The following SFTPD variants were observed in gnomAD, a reference collection of about 807,000 sequenced individuals.
SFTPD encodes the protein pulmonary surfactant-associated protein D.
In SFTPD, 18 loss-of-function variants were observed where a neutral mutation model predicts 34.6. That is an observed-to-expected ratio of 0.52 (90% CI 0.36 to 0.77). The LOEUF (loss-of-function observed/expected upper bound fraction) is 0.77. Among genes scored for constraint, SFTPD ranks in the 30% least tolerant of loss-of-function variants. The pLI is 0.00. For synonymous variants in SFTPD, 155 were observed against 180.9 expected, an observed-to-expected ratio of 0.86 and a Z score of 1.15; for missense variants, 433 against 468.9, an observed-to-expected ratio of 0.92 and a Z score of 0.71.
chr10:79,958,736 A>G (rs1026869948), intron 1 of SFTPD, among the ~76,000 whole-genome samples: 14 of 152,228 alleles, frequency 9.2e-5, no homozygotes, highest in Admixed American at 2.6e-4. Flanking sequence ...ACAGATCAAC[A>G]AGACAGAAAG....
At chr10:79,944,831 C>T (rs1842650068) in intron 2 of SFTPD, among the ~76,000 whole-genome samples, 1 of 152,118 alleles carries the variant, frequency 6.6e-6, no homozygotes, top group Non-Finnish European at 1.5e-5. Context: ...AAGCTTCACC[C>T]TCCACCCCTG....
At chr10:79,977,927 C>A (rs1842871759) in intron 1 of SFTPD, among the ~76,000 whole-genome samples, 1 of 152,196 alleles carries the variant, frequency 6.6e-6, no homozygotes, top group Non-Finnish European at 1.5e-5. Context: ...TTCTCCAGCA[C>A]CACCCTTCTC....
intron 1 of SFTPD, among the ~76,000 whole-genome samples, chr10:79,963,966 G>A (rs975645867): frequency 7.9e-5 from 12 of 151,794 alleles, no homozygotes; most frequent in African/African-American, 2.9e-4. Context: ...CTTCTTTCCT[G>A]TTCCTCACCC....
chr10:79,961,268 A>G (rs992217118), intron 1 of SFTPD, among the ~76,000 whole-genome samples: 9 of 152,332 alleles, frequency 5.9e-5, no homozygotes, highest in African/African-American at 2.2e-4. Context: ...ACCAAAAGCA[A>G]TGGCAACAAA....
Position 79,941,493 on chromosome 10 carries a change from G to T in SFTPD, c.572C>A (p.Pro191His). 1.9e-6 allele frequency: 3 copies of T among 1,610,538 alleles called. No individual in the cohort carries two copies. The South Asian group carries it at 3.3e-5, about 18-fold the overall frequency. ...TCCCCTGGCACCTGGACTTCCCTGGGGACCCATGGCTCCAGCAGACCCTGG... is the reference window on the plus strand; with the variant it reads ...TCCCCTGGCACCTGGACTTCCCTGGTGACCCATGGCTCCAGCAGACCCTGG... ...GAAGSAGAMGPQGSPGARGPP... is the reference protein window; with the variant it reads ...GAAGSAGAMGHQGSPGARGPP... The change falls in exon 6 of 8, where the codon CCC becomes CAC. Residue 191 changes from proline to histidine, a missense_variant. By Grantham distance (77) the Pro-to-His change is moderately conservative. Coordinates refer to ENST00000372292, the MANE Select transcript of SFTPD (RefSeq NM_003019.5).
chr10:79,981,541 C>G (rs535336484), intron 1 of SFTPD, among the ~76,000 whole-genome samples: 6 of 152,334 alleles, frequency 3.9e-5, no homozygotes, highest in African/African-American at 1.4e-4. Flanking sequence ...CCAGATCCTC[C>G]CGCCAGCCCA....
chr10:79,978,621 T>C (rs1842874828), intron 1 of SFTPD, among the ~76,000 whole-genome samples: 1 of 122,620 alleles, frequency 8.2e-6, no homozygotes, highest in African/African-American at 3.2e-5. Context: ...CACTGCACTC[T>C]AGCCTGGGCA....
chr10:79,981,771 C>T (rs1842891762), intron 1 of SFTPD: 1 of 161,390 alleles, frequency 6.2e-6, no homozygotes, highest in African/African-American at 2.4e-5. Flanking sequence ...CGGTAGCAGC[C>T]ACAGCCCCAG....
intron 2 of SFTPD, among the ~76,000 whole-genome samples, chr10:79,946,077 A>G (rs533423910): frequency 6.1e-4 from 93 of 152,098 alleles, no homozygotes; most frequent in Non-Finnish European, 8.7e-4. Context: ...CCCACCCTTC[A>G]TGCAGTAGTG....
chr10:79,942,104 A>C (rs773501342), intron 4 of SFTPD, 34 bp from the exon 5 acceptor site: 14 of 1,476,016 alleles, frequency 9.5e-6, no homozygotes, highest in Admixed American at 1.8e-5. Flanking sequence ...AAACACAGCT[A>C]AGAGCGCGTT....
At chr10:79,941,919 G>A (rs1324500444) in intron 5 of SFTPD, 35 bp downstream of exon 5, 1 of 1,417,276 alleles carries the variant, frequency 7.1e-7, no homozygotes, top group African/African-American at 1.4e-5. Flanking sequence ...CAGGAGAACT[G>A]GACCCAGCCC....
intron 1 of SFTPD, among the ~76,000 whole-genome samples, chr10:79,967,445 A>G (rs1222899449): frequency 8.2e-6 from 1 of 122,608 alleles, no homozygotes; most frequent in African/African-American, 3.4e-5. Flanking sequence ...AGAATTGGAA[A>G]AAACTACTTT....
chr10:79,980,319 C>A (rs1335965109), intron 1 of SFTPD, among the ~76,000 whole-genome samples: 1 of 152,126 alleles, frequency 6.6e-6, no homozygotes. Flanking sequence ...CAAGCAGATT[C>A]CTAAAATCCC....
At chr10:79,944,371 T>C (rs200053177) in intron 2 of SFTPD, among the ~76,000 whole-genome samples, 19 of 152,040 alleles carry the variant, frequency 1.2e-4, no homozygotes, top group African/African-American at 4.3e-4. Context: ...ATAGGGTGTG[T>C]TGGGGGTAGG....
chr10:79,978,839 C>G (rs1842876374), intron 1 of SFTPD, among the ~76,000 whole-genome samples: 1 of 151,676 alleles, frequency 6.6e-6, no homozygotes, highest in Non-Finnish European at 1.5e-5. Context: ...TACTGGAAAT[C>G]CTAGCCAGCT....
Position 79,937,973 on chromosome 10 carries a change from T to C in SFTPD, c.1007A>G (p.Asn336Ser). 1.9e-6 allele frequency: 3 copies of C among 1,613,702 alleles called. No individual in the cohort carries two copies. Among genetic ancestry groups the C allele is most frequent in the Non-Finnish European group, 2.5e-6 (3 of 1,179,666 alleles). ...ATCGTTGGGCTCCCCTGGGGCCCAG[T>C]TGGAATAGACCAGGGACTCTCCTGT... Reference protein sequence around the residue: ...YPTGESLVYSNWAPGEPNDDG... With the variant: ...YPTGESLVYSSWAPGEPNDDG... The change falls in exon 8 of 8, where the codon AAC becomes AGC. Residue 336 changes from asparagine to serine, a missense_variant. Transcript: ENST00000372292.
chr10:79,972,988 TG>T (rs1195633513), intron 1 of SFTPD: 1 of 152,212 alleles, frequency 6.6e-6, no homozygotes, highest in East Asian at 1.9e-4. Flanking sequence ...ATTGACTCAA[TG>T]AGCTTATATC....
At position 79,978,651 on chromosome 10, in the gene SFTPD, C is replaced by CA. The variant is rs58759979; in HGVS notation, c.36+3923dup. 0.03 allele frequency among the ~76,000 whole-genome samples: 1,581 copies of CA among 51,936 alleles called. 211 individuals are homozygous for CA. The East Asian group carries it at 0.32, about 11-fold the overall frequency. The allele number at this position is 51,936 out of a possible 152,430, so 34.1% of individuals were successfully genotyped here. ...TGGGCAGCAGAGTGACACCCTGTCT[C>CA]AAAAAAAAAAAAAAAAAAAAAAAAA... is the stretch of plus-strand genomic sequence containing the variant. On this transcript the variant is annotated intron_variant, in intron 1 of 5. Coordinates refer to the SFTPD transcript ENST00000444384.
upstream of SFTPD, among the ~76,000 whole-genome samples, chr10:79,952,349 G>C (rs981954666): frequency 6.6e-6 from 1 of 152,194 alleles, no homozygotes; most frequent in African/African-American, 2.4e-5. Flanking sequence ...TCTATCTGGA[G>C]CATTGAGTGA....
Sources: allele counts gnomAD v4.1 joint callset (sites outside exome capture counted in the v4.1 genomes callset), GRCh38; gene constraint gnomAD v4.1.1; transcripts MANE v1.5; gene names NCBI Gene and HGNC (gene_info 2026-07-23, HGNC 2026-07-21).